SLC23A2: variants seen among roughly 807,000 people sequenced by gnomAD.
SLC23A2 encodes the protein Na(+)/L-ascorbic acid transporter 2.
A neutral mutation model predicts 73.3 loss-of-function variants in SLC23A2; 36 were observed. The ratio of observed to expected loss-of-function variants is 0.49; its 90% CI spans 0.38 to 0.65. The LOEUF (loss-of-function observed/expected upper bound fraction) is 0.65, where lower values mean the gene tolerates loss of function less well. SLC23A2 is among the 30% of genes least tolerant of loss of function. The pLI, the probability that SLC23A2 is intolerant of heterozygous loss-of-function variation, is 0.00. For synonymous variants in SLC23A2, 343 were observed against 327.3 expected (o/e 1.05, Z -0.52); for missense variants, 507 against 841.6 (o/e 0.60, Z 4.92).
At chr20:4,990,986 A>C (rs1302513831) in intron 1 of SLC23A2, among the ~76,000 whole-genome samples, 1 of 151,752 alleles carries the variant, frequency 6.6e-6, no homozygotes, top group Non-Finnish European at 1.5e-5. Context: ...AAAAAAAAAA[A>C]AAAAACAACC....
Position 4,857,171 on chromosome 20 carries a change from T to C in SLC23A2, c.1754A>G (p.Lys585Arg), listed in dbSNP as rs1222566247. 1 of 1,610,424 alleles carries C rather than the reference T, an allele frequency of 6.2e-7. No homozygotes were observed. Among genetic ancestry groups the C allele is most frequent in the Non-Finnish European group, 8.5e-7 (1 of 1,177,430 alleles). The change falls in exon 17 of 17, where the codon AAG (lysine) becomes AGG (arginine). Residue 585 changes from lysine to arginine, a missense_variant. Around this residue, in one of 5 missense-constraint regions of SLC23A2, gnomAD observed 168 missense variants for 302.3 expected, o/e 0.56. Coordinates refer to ENST00000338244, the MANE Select transcript of SLC23A2 (RefSeq NM_005116.6). This position sits in a 1 kb window ranked among gnomAD's most constrained non-coding sequence, Gnocchi z 4.0. ...TPEERGIRKW[K>R]KGVGKGNKSL... The stretch of plus-strand genomic sequence containing the variant: ...TTTGTTCCCTTTGCCCACACCCTTC[T>C]TCCATTTCCGGATTCCTCTTTCCTC...
chr20:5,004,349 A>C (rs1454414372), upstream of SLC23A2, among the ~76,000 whole-genome samples: 1 of 152,208 alleles, frequency 6.6e-6, no homozygotes, highest in Admixed American at 6.5e-5. Flanking sequence ...CAAGCTGGGA[A>C]GTATTTCTGA....
Position 4,862,487 on chromosome 20 carries a change from T to C in SLC23A2, c.1486+291A>G, listed in dbSNP as rs984951480. ...GTCCCACTGTCAAAATGGTCAGTTT[T>C]AAGTAGCCCATTCAGAGGGATGGTA... On this transcript the variant is annotated intron_variant, in intron 14 of 16. Transcript: ENST00000338244. This position sits in a 1 kb window ranked among gnomAD's most constrained non-coding sequence, Gnocchi z 5.1. Among the ~76,000 whole-genome samples the C allele has an allele frequency of 6.6e-6, 1 of 152,180 alleles. No individual in the cohort carries two copies. The highest frequency in any genetic ancestry group is 1.5e-5 in the Non-Finnish European group (1 of 68,022).
intron 3 of SLC23A2, among the ~76,000 whole-genome samples, chr20:4,913,611 G>A (rs1323767709): frequency 6.6e-6 from 1 of 151,682 alleles, no homozygotes; most frequent in Non-Finnish European, 1.5e-5. Flanking sequence ...TTTAGGTTTT[G>A]TTGTTGTTGT....
intron 2 of SLC23A2, among the ~76,000 whole-genome samples, chr20:4,945,530 C>T (rs955540169): frequency 1.6e-4 from 24 of 152,106 alleles, no homozygotes; most frequent in African/African-American, 4.6e-4. Context: ...GCAATCCTCC[C>T]GCCTCAGCCT....
At chr20:4,935,524 C>T (rs920595845) in intron 2 of SLC23A2, among the ~76,000 whole-genome samples, 5 of 152,116 alleles carry the variant, frequency 3.3e-5, no homozygotes, top group Admixed American at 6.5e-5. Context: ...GCAGGCCGGG[C>T]GCAGTGGTTC....
intron 2 of SLC23A2, among the ~76,000 whole-genome samples, chr20:4,963,334 A>G (rs543927522): frequency 6.6e-6 from 1 of 152,288 alleles, no homozygotes; most frequent in South Asian, 2.1e-4. Context: ...AGCAGAAAAT[A>G]AGCGAAGGGT....
chr20:4,931,407 T>A lies in SLC23A2; in HGVS notation c.108+1048A>T, dbSNP rs535259333. Among the ~76,000 whole-genome samples, 19 of 152,308 alleles carry A rather than the reference T, an allele frequency of 1.2e-4. No homozygotes were observed. The South Asian group carries it at 3.5e-3, about 28-fold the overall frequency. On this transcript the variant is annotated intron_variant, in intron 3 of 16. Coordinates refer to ENST00000338244, the MANE Select transcript of SLC23A2 (RefSeq NM_005116.6). ...CTCAAATGTCTTACTGTTGAGTCTC[T>A]TTATCATCAGGCTATGGGGCATGCC...
chr20:4,994,045 C>G (rs1272034988), intron 1 of SLC23A2, among the ~76,000 whole-genome samples: 1 of 152,168 alleles, frequency 6.6e-6, no homozygotes, highest in Non-Finnish European at 1.5e-5. Flanking sequence ...GAGCAGAGAT[C>G]TCACCACTGC....
intron 11 of SLC23A2, among the ~76,000 whole-genome samples, chr20:4,871,978 ATATATCTATATATC>A (rs1325430108): frequency 2.0e-5 from 3 of 152,066 alleles, no homozygotes; most frequent in Non-Finnish European, 2.9e-5. Flanking sequence ...TCCTTCAGAT[ATATATCTATATATC>A]TATATCTATA....
chr20:4,904,302 GGT>G (rs1931858744), intron 4 of SLC23A2, among the ~76,000 whole-genome samples: 1 of 152,186 alleles, frequency 6.6e-6, no homozygotes, highest in African/African-American at 2.4e-5. Context: ...TGGCTGAATG[GGT>G]GTTATCACAT....
At chr20:4,903,835 T>C (rs1015851224) in intron 4 of SLC23A2, among the ~76,000 whole-genome samples, 2 of 152,342 alleles carry the variant, frequency 1.3e-5, no homozygotes, top group East Asian at 1.9e-4. Context: ...GGAGAAATGG[T>C]AGAAAAAGTA....
At chr20:4,884,266 T>C (rs1931008582) in intron 8 of SLC23A2, among the ~76,000 whole-genome samples, 1 of 152,240 alleles carries the variant, frequency 6.6e-6, no homozygotes, top group Non-Finnish European at 1.5e-5. Flanking sequence ...GCCACATCTG[T>C]GCTCATTCTG....
chr20:4,951,427 A>C (rs2087200295), intron 2 of SLC23A2, among the ~76,000 whole-genome samples: 1 of 152,222 alleles, frequency 6.6e-6, no homozygotes, highest in Non-Finnish European at 1.5e-5. Context: ...CAGAAAGGCT[A>C]AGGCTATTCC....
intron 1 of SLC23A2, among the ~76,000 whole-genome samples, chr20:4,975,461 A>G (rs1247876762): frequency 1.3e-5 from 2 of 151,962 alleles, no homozygotes; most frequent in East Asian, 3.9e-4. Context: ...GCTCACTGCA[A>G]ACTCCACATC....
At chr20:4,963,894 A>G (rs977329193) in intron 2 of SLC23A2, among the ~76,000 whole-genome samples, 4 of 152,316 alleles carry the variant, frequency 2.6e-5, no homozygotes, top group Admixed American at 2.6e-4. Flanking sequence ...AAAATGTACC[A>G]TTTATAATTT....
intron 13 of SLC23A2, among the ~76,000 whole-genome samples, chr20:4,865,218 G>A (rs1266556358): frequency 1.3e-5 from 2 of 152,166 alleles, no homozygotes; most frequent in Admixed American, 6.5e-5. Flanking sequence ...AGTCTTCAAC[G>A]GTGGTGCAGA....
At chr20:4,881,507 C>T (rs997783413) in intron 9 of SLC23A2, among the ~76,000 whole-genome samples, 4 of 152,088 alleles carry the variant, frequency 2.6e-5, no homozygotes, top group Admixed American at 2.0e-4. Context: ...AGTTTTGCTC[C>T]CTCTGACGGG....
intron 1 of SLC23A2, among the ~76,000 whole-genome samples, chr20:4,996,545 G>T (rs193218408): frequency 6.6e-6 from 1 of 152,028 alleles, no homozygotes; most frequent in Non-Finnish European, 1.5e-5. Flanking sequence ...AATTAGCCGG[G>T]TACAGTGGTA....
Sources: gnomAD v4.1 joint callset for allele counts (sites outside exome capture counted in the v4.1 genomes callset) on GRCh38, gnomAD v4.1.1 for gene constraint, gnomAD v4.1.1 regional missense constraint, Gnocchi (gnomAD v3.1) non-coding constraint, MANE v1.5 for transcripts, NCBI Gene and HGNC (gene_info 2026-07-23, HGNC 2026-07-21) for gene names.